The following C2CD3 variants were observed in gnomAD, a reference collection of about 807,000 sequenced individuals.
C2CD3 encodes C2 domain containing 3 centriole elongation regulator, also known as C2 domain-containing protein 3.
A neutral mutation model predicts 234.0 loss-of-function variants in C2CD3; 148 were observed. The observed-to-expected ratio is 0.63, with a 90% CI of 0.55 to 0.72. The LOEUF is 0.72. Ranked by LOEUF, C2CD3 falls within the 30% of genes least tolerant of loss-of-function variation. The pLI is 0.00. For synonymous variants in C2CD3, 1,000 were observed against 1,035.4 expected, an observed-to-expected ratio of 0.97 and a Z score of 0.66; for missense variants, 2,577 against 2,811.5, an observed-to-expected ratio of 0.92 and a Z score of 1.89.
intron 11 of C2CD3, among the ~76,000 whole-genome samples, chr11:74,111,919 T>TACACACACACAC (rs61499954): frequency 6.4e-5 from 8 of 125,200 alleles, no homozygotes; most frequent in East Asian, 5.0e-4. Flanking sequence ...TATTTGCTGA[T>TACACACACACAC]ACACACACAC....
At chr11:74,117,069 T>C (rs1957007761) in intron 9 of C2CD3, among the ~76,000 whole-genome samples, 2 of 60,434 alleles carry the variant, frequency 3.3e-5, no homozygotes, top group South Asian at 4.2e-4. Flanking sequence ...TGAATATATA[T>C]ATATGAATAT....
At chr11:74,097,159 A>G (rs1956143360) in intron 16 of C2CD3, among the ~76,000 whole-genome samples, 1 of 152,146 alleles carries the variant, frequency 6.6e-6, no homozygotes. Context: ...GAAAAAAAAA[A>G]AAAAATCTAA....
Position 74,168,540 on chromosome 11 carries a change from A to G in C2CD3, c.129T>C (p.Leu43=), listed in dbSNP as rs769187559. The G allele has an allele frequency of 1.2e-6, 2 of 1,614,002 alleles. No homozygotes were observed. Among genetic ancestry groups the G allele is most frequent in the Admixed American group, 3.3e-5 (2 of 60,010 alleles). Residue 43 remains leucine (L), a synonymous_variant, in exon 2 of 33, where the codon CTT becomes CTC. Transcript: ENST00000334126. ...TCTTCCATATGACTCTATTAACAGTAAGTTTTAGAAAACAGCGTAGCTGGC... is the reference window on the plus strand; with the variant it reads ...TCTTCCATATGACTCTATTAACAGTGAGTTTTAGAAAACAGCGTAGCTGGC... ...VEGQLRCFLK[L]TVNRVIWKIA... is the part of the protein sequence containing the mutation.
In C2CD3 at chr11:74,138,959, T is replaced by C. The variant is rs758331957; in HGVS notation, c.716A>G (p.Asp239Gly). The C allele has an allele frequency of 7.5e-6, 12 of 1,606,534 alleles. No individual in the cohort carries two copies. Among genetic ancestry groups the C allele is most frequent in the Non-Finnish European group, 1.0e-5 (12 of 1,175,854 alleles). ...AGGGTTCTCTGCAAAGCATACATGGTCTTTTCCCCTGTTTTTTTAAAAAGG... is the reference window on the plus strand; with the variant it reads ...AGGGTTCTCTGCAAAGCATACATGGCCTTTTCCCCTGTTTTTTTAAAAAGG... ...SSRSTTPRGKDHVCFAENPDT... is the reference protein window; with the variant it reads ...SSRSTTPRGKGHVCFAENPDT... The change falls in exon 5 of 33, where the codon GAC becomes GGC. Residue 239 changes from aspartate (D) to glycine (G), a missense_variant. Asp to Gly is a moderately conservative substitution (Grantham distance 94, BLOSUM62 -1). Transcript: ENST00000334126.
In C2CD3 at chr11:74,114,475, T is replaced by C; in HGVS notation, c.1639A>G (p.Thr547Ala). The change falls in exon 10 of 33, where the codon ACC (threonine) becomes GCC (alanine). Residue 547 changes from threonine to alanine, a missense_variant. By Grantham distance (58) the Thr-to-Ala change is moderately conservative (BLOSUM62 0). Transcript: ENST00000334126. Reference protein sequence around the residue: ...RTHSVRIIIETMGVPPDSPQM... With the variant: ...RTHSVRIIIEAMGVPPDSPQM... ...GGACTATCTGGAGGAACTCCCATGG[T>C]TTCGATGATGATTCTGACTGAATGT... The C allele has an allele frequency of 6.2e-7, 1 of 1,613,996 alleles. No individual in the cohort carries two copies. Among genetic ancestry groups the C allele is most frequent in the Non-Finnish European group, 8.5e-7 (1 of 1,179,898 alleles).
intron 2 of C2CD3, among the ~76,000 whole-genome samples, chr11:74,167,857 A>G (rs10898963): frequency 0.27 from 40,870 of 152,120 alleles, 6,548 homozygotes; most frequent in African/African-American, 0.45. Context: ...CCATTCATTT[A>G]GCATTTAGTA....
intron 3 of C2CD3, among the ~76,000 whole-genome samples, chr11:74,140,131 T>TC (rs1198536509): frequency 6.6e-6 from 1 of 151,562 alleles, no homozygotes; most frequent in Non-Finnish European, 1.5e-5. Flanking sequence ...GTAAGGAATG[T>TC]CCCCCATTCC....
chr11:74,019,053 T>C (rs1951983289), intron 32 of C2CD3, among the ~76,000 whole-genome samples: 1 of 151,838 alleles, frequency 6.6e-6, no homozygotes, highest in Non-Finnish European at 1.5e-5. Context: ...TCCTCAACCC[T>C]TTTTTTTGTT....
intron 28 of C2CD3, among the ~76,000 whole-genome samples, chr11:74,046,735 T>C (rs1953393495): frequency 6.6e-6 from 1 of 152,218 alleles, no homozygotes; most frequent in Admixed American, 6.5e-5. Context: ...GTAGTATTAA[T>C]ATTTCATTGT....
Position 74,168,590 on chromosome 11 carries a change from T to C in C2CD3, c.79A>G (p.Thr27Ala), listed in dbSNP as rs1203818644. The change falls in exon 2 of 33, where the codon ACA becomes GCA. Residue 27 changes from threonine (T) to alanine (A), a missense_variant. Coordinates refer to ENST00000334126, the MANE Select transcript of C2CD3 (RefSeq NM_001286577.2). ...CCTTCAACCAGAGGTGGCAGGCTTGTAGATGGAGAAATGTCACTTAAACCT... is the reference window on the plus strand; with the variant it reads ...CCTTCAACCAGAGGTGGCAGGCTTGCAGATGGAGAAATGTCACTTAAACCT... ...KRGLSDISPSTSLPPLVEGQL... is the reference protein window; with the variant it reads ...KRGLSDISPSASLPPLVEGQL... 4 of 1,614,016 alleles carry C rather than the reference T, an allele frequency of 2.5e-6. No individual in the cohort carries two copies. The highest frequency in any genetic ancestry group is 1.3e-5 in the African/African-American group (1 of 74,940).
chr11:74,033,651 G>A lies in C2CD3; in HGVS notation c.6509C>T (p.Ala2170Val), dbSNP rs979984361. ...TGGGCATGGGATGGGCTGAGGGTTG[G>A]CTGAGGCAGACTCGCCACCAACCCT... The part of the protein sequence containing the change: ...KARVGGESAS[A>V]NPQPIPCPTL... The change falls in exon 31 of 33, where the codon GCC (alanine) becomes GTC (valine). Residue 2170 changes from alanine (A) to valine (V), a missense_variant. Transcript: ENST00000334126. 13 of 1,536,182 alleles carry A rather than the reference G, an allele frequency of 8.5e-6. No individual in the cohort carries two copies. In the East Asian group the frequency reaches 2.7e-4, roughly 32 times the overall value.
At chr11:74,094,124 T>A in intron 17 of C2CD3, 125 bp from the exon 18 acceptor site, 1 of 663,726 alleles carries the variant, frequency 1.5e-6, no homozygotes, top group East Asian at 3.0e-5. Flanking sequence ...TAAGGTCCCA[T>A]GATAATACAG....
At chr11:74,024,949 C>G (rs751904851) in intron 32 of C2CD3, among the ~76,000 whole-genome samples, 3 of 152,004 alleles carry the variant, frequency 2.0e-5, no homozygotes, top group Non-Finnish European at 4.4e-5. Context: ...AACCAGGACC[C>G]AGAATAAGGT....
intron 24 of C2CD3, 48 bp from the exon 25 acceptor site, chr11:74,057,592 G>A (rs1954016253): frequency 1.2e-6 from 2 of 1,602,460 alleles, no homozygotes; most frequent in South Asian, 1.1e-5. Flanking sequence ...TACACAAGAA[G>A]CCTCAGATTA....
chr11:74,100,822 T>G (rs1228147795), intron 14 of C2CD3, 146 bp from the exon 15 acceptor site: 7 of 654,046 alleles, frequency 1.1e-5, no homozygotes, highest in Non-Finnish European at 1.8e-5. Context: ...AAACTTACTC[T>G]GTATCCTCAA....
intron 31 of C2CD3, among the ~76,000 whole-genome samples, chr11:74,029,966 G>C (rs1321001142): frequency 2.6e-5 from 4 of 152,124 alleles, no homozygotes; most frequent in African/African-American, 9.7e-5. Context: ...ATGTTACCCA[G>C]GCTGGTCTTG....
intron 32 of C2CD3, among the ~76,000 whole-genome samples, chr11:74,026,526 A>G (rs1952305739): frequency 6.6e-6 from 1 of 152,118 alleles, no homozygotes; most frequent in Non-Finnish European, 1.5e-5. Flanking sequence ...TACTGACCCC[A>G]TTTTTCATTA....
chr11:74,087,274 T>C (rs1049497429), intron 20 of C2CD3, among the ~76,000 whole-genome samples: 10 of 151,974 alleles, frequency 6.6e-5, no homozygotes, highest in African/African-American at 1.7e-4. Context: ...GCTTAAAAAA[T>C]GAGGATAGGC....
intron 3 of C2CD3, among the ~76,000 whole-genome samples, chr11:74,141,747 C>T (rs1958053864): frequency 6.6e-6 from 1 of 152,124 alleles, no homozygotes; most frequent in African/African-American, 2.4e-5. Context: ...GTAATCCCAG[C>T]ACTTTGGGAG....
Sources: allele counts gnomAD v4.1 joint callset (sites outside exome capture counted in the v4.1 genomes callset), GRCh38; gene constraint gnomAD v4.1.1; transcripts MANE v1.5; gene names NCBI Gene and HGNC (gene_info 2026-07-23, HGNC 2026-07-21).